The following GLIS1 variants were observed in gnomAD, a reference collection of about 807,000 sequenced individuals.
The protein encoded by GLIS1 is GLIS family zinc finger 1, also known as zinc finger protein GLIS1.
A neutral mutation model predicts 63.8 loss-of-function variants in GLIS1; 24 were observed. That is an observed-to-expected ratio of 0.38 (90% CI 0.27 to 0.53). The LOEUF (loss-of-function observed/expected upper bound fraction) is 0.53. GLIS1 is among the 20% of genes least tolerant of loss of function. The pLI, the probability that GLIS1 is intolerant of heterozygous loss-of-function variation, is 0.85. For synonymous variants in GLIS1, 450 were observed against 482.5 expected (o/e 0.93, Z 0.88); for missense variants, 1,036 against 1,074.1 (o/e 0.96, Z 0.50).
At chr1:53,654,335 G>A (rs1189958141) in intron 2 of GLIS1, among the ~76,000 whole-genome samples, 2 of 152,188 alleles carry the variant, frequency 1.3e-5, no homozygotes, top group Non-Finnish European at 2.9e-5. Context: ...GAACACAGAG[G>A]CCAGGGGGAT....
At chr1:53,699,085 G>A (rs1557528646) in intron 2 of GLIS1, among the ~76,000 whole-genome samples, 1 of 149,342 alleles carries the variant, frequency 6.7e-6, no homozygotes, top group South Asian at 2.1e-4. Flanking sequence ...TTTTTTTTGA[G>A]ACAGAGTCTC....
chr1:53,660,474 G>C (rs1256252624), intron 2 of GLIS1, among the ~76,000 whole-genome samples: 1 of 152,210 alleles, frequency 6.6e-6, no homozygotes, highest in African/African-American at 2.4e-5. Flanking sequence ...GGTCACACTA[G>C]TAAGTGACAC....
At chr1:53,634,364 G>A (rs1166851196) in intron 2 of GLIS1, among the ~76,000 whole-genome samples, 2 of 152,176 alleles carry the variant, frequency 1.3e-5, no homozygotes, top group East Asian at 3.9e-4. Context: ...GGGTCCAAGG[G>A]CTAAACCCTG....
chr1:53,645,204 T>C (rs572911387), intron 2 of GLIS1, among the ~76,000 whole-genome samples: 6 of 152,312 alleles, frequency 3.9e-5, no homozygotes, highest in South Asian at 4.1e-4. Flanking sequence ...GGTCCTTCCA[T>C]ATTTCGGATC....
chr1:53,559,531 G>A (rs1206524028), intron 4 of GLIS1, among the ~76,000 whole-genome samples: 3 of 152,168 alleles, frequency 2.0e-5, no homozygotes, highest in Admixed American at 2.0e-4. Flanking sequence ...GATGATGATT[G>A]GCGAACTCCT....
chr1:53,601,656 G>A (rs1645319094), intron 2 of GLIS1, among the ~76,000 whole-genome samples: 1 of 152,130 alleles, frequency 6.6e-6, no homozygotes, highest in Admixed American at 6.5e-5. Flanking sequence ...AGAGGCGTGG[G>A]GAGGTTCAAT....
intron 4 of GLIS1, among the ~76,000 whole-genome samples, chr1:53,545,365 C>T (rs183487803): frequency 4.7e-4 from 71 of 152,340 alleles, no homozygotes; most frequent in African/African-American, 1.7e-3. Flanking sequence ...GTCCCCAAAG[C>T]CTGACCTGTC....
At chr1:53,528,060 C>T (rs1192610905) in intron 5 of GLIS1, among the ~76,000 whole-genome samples, 2 of 152,022 alleles carry the variant, frequency 1.3e-5, no homozygotes, top group Non-Finnish European at 2.9e-5. Flanking sequence ...GCACTGTCAG[C>T]GCTGGCTTGT....
intron 4 of GLIS1, among the ~76,000 whole-genome samples, chr1:53,585,204 A>G (rs1645122448): frequency 1.3e-5 from 2 of 152,100 alleles, no homozygotes; most frequent in South Asian, 4.1e-4. Context: ...CTTGGGACTA[A>G]CGACTTCAAA....
chr1:53,624,797 T>C (rs552960192), intron 2 of GLIS1, among the ~76,000 whole-genome samples: 5 of 152,304 alleles, frequency 3.3e-5, no homozygotes, highest in African/African-American at 9.6e-5. Context: ...TATATACATA[T>C]ATATCTCCAA....
At chr1:53,507,339 T>C (rs1037641790) in intron 10 of GLIS1, among the ~76,000 whole-genome samples, 1 of 152,212 alleles carries the variant, frequency 6.6e-6, no homozygotes, top group African/African-American at 2.4e-5. Flanking sequence ...GAGGCCAGGA[T>C]GCTTGCCTAA....
intron 2 of GLIS1, among the ~76,000 whole-genome samples, chr1:53,604,718 C>A (rs1265726936): frequency 6.6e-6 from 1 of 152,102 alleles, no homozygotes; most frequent in Non-Finnish European, 1.5e-5. Flanking sequence ...GTTGACTGGG[C>A]AGGCTCAGAG....
At chr1:53,577,706 G>T (rs1645046701) in intron 4 of GLIS1, among the ~76,000 whole-genome samples, 1 of 152,122 alleles carries the variant, frequency 6.6e-6, no homozygotes, top group Non-Finnish European at 1.5e-5. Context: ...GGAGGACCTG[G>T]GATCCTGCCT....
intron 2 of GLIS1, among the ~76,000 whole-genome samples, chr1:53,629,349 T>C (rs555544111): frequency 2.4e-4 from 37 of 152,300 alleles, no homozygotes; most frequent in Non-Finnish European, 3.7e-4. Flanking sequence ...CCAGCCCACA[T>C]GGCAGTTGCT....
chr1:53,641,353 C>G (rs4927021), intron 2 of GLIS1, among the ~76,000 whole-genome samples: 74,492 of 152,076 alleles, frequency 0.49, 21,487 homozygotes, highest in Non-Finnish European at 0.63. Context: ...TCCCAACAGA[C>G]AGCAAGCTCC....
At chr1:53,623,754 C>T (rs1053133511) in intron 2 of GLIS1, among the ~76,000 whole-genome samples, 6 of 152,036 alleles carry the variant, frequency 3.9e-5, no homozygotes, top group African/African-American at 1.4e-4. Flanking sequence ...GAGGAAATAA[C>T]AGGAAGATGG....
rs1646929705 is a variant in GLIS1 at position 53,738,001 on chromosome 1, C to A, written c.64G>T (p.Gly22Cys). The change falls in exon 2 of 11, where the codon GGC (glycine) becomes TGC (cysteine). Residue 22 changes from glycine (G) to cysteine (C), a missense_variant. Coordinates refer to ENST00000628545, the MANE Select transcript of GLIS1 (RefSeq NM_001367484.1). Reference sequence around the variant, plus strand: ...AGGCTGGCGGGGCCGCGGTCGGGGCCGGGCGCACCAGGGGCCTCCTTAGGC... The same window carrying A: ...AGGCTGGCGGGGCCGCGGTCGGGGCAGGGCGCACCAGGGGCCTCCTTAGGC... ...KRPKEAPGAP[G>C]PDRGPASLGA... 1.6e-6 allele frequency: 2 copies of A among 1,230,628 alleles called. No individual in the cohort carries two copies. The allele number at this position is 1,230,628 out of a possible 1,614,324, so 76.2% of individuals were successfully genotyped here.
chr1:53,582,977 T>G (rs1645100810), intron 4 of GLIS1, among the ~76,000 whole-genome samples: 1 of 152,202 alleles, frequency 6.6e-6, no homozygotes, highest in Non-Finnish European at 1.5e-5. Flanking sequence ...CAGACTCTCT[T>G]AAGCTCCAAT....
chr1:53,686,115 C>T (rs185793543), intron 2 of GLIS1, among the ~76,000 whole-genome samples: 332 of 152,326 alleles, frequency 2.2e-3, no homozygotes, highest in African/African-American at 7.5e-3. Context: ...TTCCATCTCT[C>T]CCACCAGACT....
Sources: allele counts gnomAD v4.1 joint callset (sites outside exome capture counted in the v4.1 genomes callset), GRCh38; gene constraint gnomAD v4.1.1; transcripts MANE v1.5; gene names NCBI Gene and HGNC (gene_info 2026-07-23, HGNC 2026-07-21).